The following OPCML variants were observed in gnomAD, a reference collection of about 807,000 sequenced individuals.
The protein encoded by OPCML is opioid-binding protein/cell adhesion molecule.
A neutral mutation model predicts 37.8 loss-of-function variants in OPCML; 13 were observed. That is an observed-to-expected ratio of 0.34 (90% CI 0.22 to 0.55). The LOEUF (loss-of-function observed/expected upper bound fraction) is 0.55, where lower values mean the gene tolerates loss of function less well. Ranked by LOEUF, OPCML falls within the 20% of genes least tolerant of loss-of-function variation. The probability of loss-of-function intolerance (pLI) is 0.91; values close to 1 mark genes in which losing one functional copy is unlikely to be tolerated. For synonymous variants in OPCML, 176 were observed against 168.8 expected (o/e 1.04, Z -0.33); for missense variants, 341 against 435.6 (o/e 0.78, Z 1.93).
At chr11:132,444,247 A>C (rs1260237517) in intron 4 of OPCML, among the ~76,000 whole-genome samples, 1 of 152,178 alleles carries the variant, frequency 6.6e-6, no homozygotes. Flanking sequence ...CCCGCCTCCC[A>C]TGGGGGAGGC....
intron 1 of OPCML, among the ~76,000 whole-genome samples, chr11:133,450,010 G>A (rs1254591579): frequency 6.6e-6 from 1 of 151,620 alleles, no homozygotes; most frequent in African/African-American, 2.4e-5. Flanking sequence ...CTTATTTGAT[G>A]AAAAATAGGC....
chr11:132,420,368 ACACAT>A, intron 7 of OPCML, 75 bp from the exon 8 acceptor site: 1 of 1,573,242 alleles, frequency 6.4e-7, no homozygotes, highest in Non-Finnish European at 8.6e-7. Flanking sequence ...ACAAGCAAAT[ACACAT>A]ACATGCTTCC....
At chr11:133,287,394 G>A (rs1942331832) in intron 1 of OPCML, among the ~76,000 whole-genome samples, 1 of 149,912 alleles carries the variant, frequency 6.7e-6, no homozygotes, top group Non-Finnish European at 1.5e-5. Context: ...TTATAGCCAT[G>A]AGCCGAAACA....
At chr11:132,824,444 C>T (rs369272997) in intron 2 of OPCML, among the ~76,000 whole-genome samples, 10 of 152,176 alleles carry the variant, frequency 6.6e-5, no homozygotes, top group Admixed American at 5.9e-4. Flanking sequence ...GACACTGTAA[C>T]GGTACAGTTA....
chr11:132,962,310 G>C (rs923045557), intron 1 of OPCML, among the ~76,000 whole-genome samples: 1 of 152,122 alleles, frequency 6.6e-6, no homozygotes, highest in Non-Finnish European at 1.5e-5. Flanking sequence ...ATCCCGGCCC[G>C]GGCTCTCTCT....
intron 1 of OPCML, among the ~76,000 whole-genome samples, chr11:133,251,793 C>T (rs1455112419): frequency 6.6e-6 from 1 of 152,284 alleles, no homozygotes; most frequent in Admixed American, 6.5e-5. Flanking sequence ...GCAGACATTT[C>T]CCTGTCATCC....
chr11:133,008,048 T>C lies in OPCML; in HGVS notation c.62-65038A>G, dbSNP rs74441053. ...AGAGAGCTGTCTCATTGTTGAGATCTTGCTGTACGGCTACTTGCATTGGAA... is the reference window on the plus strand; with the variant it reads ...AGAGAGCTGTCTCATTGTTGAGATCCTGCTGTACGGCTACTTGCATTGGAA... On this transcript the variant is annotated intron_variant, in intron 1 of 7. Coordinates refer to ENST00000524381, the MANE Select transcript of OPCML (RefSeq NM_001012393.5). 6,246 of 985,436 alleles carry C rather than the reference T, an allele frequency of 6.3e-3. 305 individuals are homozygous for C. The African/African-American group carries it at 0.1, about 16-fold the overall frequency. 61.0% of individuals were successfully genotyped at this position (985,436 alleles called of 1,614,324 possible).
Position 133,060,195 on chromosome 11 carries a change from C to T in OPCML, c.62-117185G>A, listed in dbSNP as rs368903034. 1.3e-4 allele frequency among the ~76,000 whole-genome samples: 19 copies of T among 151,084 alleles called. No individual in the cohort carries two copies. The South Asian group carries it at 3.8e-3, about 30-fold the overall frequency. On this transcript the variant is annotated intron_variant, in intron 1 of 7. Coordinates refer to ENST00000524381, the MANE Select transcript of OPCML (RefSeq NM_001012393.5). ...CCCTCTCCCTCTCCCTCTCCTTCTC[C>T]CTCTCCCTCTCCCTCCCCCTCCACC...
intron 1 of OPCML, among the ~76,000 whole-genome samples, chr11:133,473,896 C>T (rs1055034773): frequency 6.6e-6 from 1 of 152,164 alleles, no homozygotes; most frequent in Non-Finnish European, 1.5e-5. Context: ...ATATGCTATA[C>T]TGAGCATAAT....
At chr11:132,903,272 C>T (rs1433740771) in intron 2 of OPCML, among the ~76,000 whole-genome samples, 1 of 152,156 alleles carries the variant, frequency 6.6e-6, no homozygotes. Context: ...CTAAAGGTTT[C>T]CCATATGTGA....
At chr11:132,655,561 G>A (rs1308750347) in intron 3 of OPCML, among the ~76,000 whole-genome samples, 2 of 152,380 alleles carry the variant, frequency 1.3e-5, no homozygotes, top group Non-Finnish European at 2.9e-5. Context: ...GTAGATGTCT[G>A]TCGGATGGCG....
At chr11:132,829,299 T>C (rs1940546727) in intron 2 of OPCML, among the ~76,000 whole-genome samples, 1 of 152,230 alleles carries the variant, frequency 6.6e-6, no homozygotes, top group African/African-American at 2.4e-5. Context: ...GCTTATCATA[T>C]GCTAAGTGTC....
rs568613431 is a variant in OPCML at position 133,114,349 on chromosome 11, GTC to G, written c.62-171341_62-171340del. On this transcript the variant is annotated intron_variant, in intron 1 of 7. Transcript: ENST00000524381. ...GCCAAACTTTTGGGGTCGTTCTGACGTCTCTTTTTTTTCTTTTTTTAACATCC... is the reference window on the plus strand; with the variant it reads ...GCCAAACTTTTGGGGTCGTTCTGACGTCTTTTTTTTCTTTTTTTAACATCC... 5.8e-3 allele frequency among the ~76,000 whole-genome samples: 879 copies of G among 152,212 alleles called. 8 individuals are homozygous for G. Among genetic ancestry groups the G allele is most frequent in the African/African-American group, 0.02 (843 of 41,526 alleles).
intron 3 of OPCML, among the ~76,000 whole-genome samples, chr11:132,574,187 T>A (rs144188696): frequency 1.0e-3 from 152 of 146,974 alleles, no homozygotes; most frequent in African/African-American, 3.6e-3. Flanking sequence ...AATTCTTAGT[T>A]TCATTAATTT....
intron 1 of OPCML, among the ~76,000 whole-genome samples, chr11:133,529,811 A>G (rs1948566763): frequency 6.6e-6 from 1 of 152,236 alleles, no homozygotes; most frequent in South Asian, 2.1e-4. Flanking sequence ...AAGCTATAAC[A>G]GGAAGTAAAA....
chr11:133,141,754 C>G (rs1032754869), intron 1 of OPCML, among the ~76,000 whole-genome samples: 2 of 152,196 alleles, frequency 1.3e-5, no homozygotes, highest in Non-Finnish European at 2.9e-5. Context: ...TCCCTTCCCA[C>G]TCAAATGTTT....
At chr11:133,325,772 A>C (rs1054395642) in intron 1 of OPCML, among the ~76,000 whole-genome samples, 2 of 152,172 alleles carry the variant, frequency 1.3e-5, no homozygotes, top group Admixed American at 1.3e-4. Flanking sequence ...AAAACTAGGA[A>C]TTAGAGAATG....
At chr11:132,973,325 A>G (rs1946383467) in intron 1 of OPCML, among the ~76,000 whole-genome samples, 1 of 152,156 alleles carries the variant, frequency 6.6e-6, no homozygotes, top group African/African-American at 2.4e-5. Flanking sequence ...CCATGCTTAT[A>G]CCACAATCCC....
intron 2 of OPCML, among the ~76,000 whole-genome samples, chr11:132,664,378 G>T (rs1362295821): frequency 1.3e-5 from 2 of 152,028 alleles, no homozygotes. Context: ...ATGCTGGGTG[G>T]AATTTTAAAG....
Sources: gnomAD v4.1 joint callset for allele counts (sites outside exome capture counted in the v4.1 genomes callset) on GRCh38, gnomAD v4.1.1 for gene constraint, MANE v1.5 for transcripts, NCBI Gene and HGNC (gene_info 2026-07-23, HGNC 2026-07-21) for gene names.